Variants in PTCHD4 observed in about 807,000 individuals in gnomAD.
PTCHD4 encodes patched domain-containing protein 4.
In PTCHD4, 33 loss-of-function variants were observed where a neutral mutation model predicts 58.1. The ratio of observed to expected loss-of-function variants is 0.57; its 90% CI spans 0.43 to 0.76. The LOEUF (loss-of-function observed/expected upper bound fraction) is 0.76. Among genes scored for constraint, PTCHD4 ranks in the 30% least tolerant of loss-of-function variants. The pLI is 0.00. For synonymous variants in PTCHD4, 478 were observed against 409.6 expected (o/e 1.17, Z -2.02); for missense variants, 1,058 against 1,027.1 (o/e 1.03, Z -0.41).
chr6:47,973,495 A>T (rs1767587695), intron 4 of PTCHD4, among the ~76,000 whole-genome samples: 1 of 152,212 alleles, frequency 6.6e-6, no homozygotes, highest in Non-Finnish European at 1.5e-5. Context: ...AACAACCGGG[A>T]ACCTGTGAAT....
At position 47,859,104 on chromosome 6, in the gene PTCHD4, A is replaced by T. The variant is rs1445683970; in HGVS notation, c.*19199T>A. On this transcript the variant is annotated 3_prime_UTR_variant, in exon 5 of 5. Coordinates refer to ENST00000339488, the MANE Select transcript of PTCHD4 (RefSeq NM_001384253.1). ...TTTTATTCACGCTTATGTCAGGGTAACTTTGTGTATTTGTGTGCATACTCT... is the reference window on the plus strand; with the variant it reads ...TTTTATTCACGCTTATGTCAGGGTATCTTTGTGTATTTGTGTGCATACTCT... Among the ~76,000 whole-genome samples the T allele has an allele frequency of 6.6e-6, 1 of 152,050 alleles. No individual in the cohort carries two copies. The highest frequency in any genetic ancestry group is 6.6e-5 in the Admixed American group (1 of 15,242).
chr6:48,063,013 G>C (rs545397647), intron 3 of PTCHD4, among the ~76,000 whole-genome samples: 12 of 152,020 alleles, frequency 7.9e-5, no homozygotes, highest in Non-Finnish European at 1.3e-4. Context: ...AGAAACCTAG[G>C]TCTCATAGAA....
intron 3 of PTCHD4, among the ~76,000 whole-genome samples, chr6:48,025,328 G>C (rs1365695464): frequency 1.3e-5 from 2 of 152,192 alleles, no homozygotes; most frequent in Non-Finnish European, 2.9e-5. Flanking sequence ...CAGAGACGTT[G>C]CTCCCAATTT....
chr6:48,104,433 A>C (rs571292425), intron 1 of PTCHD4, among the ~76,000 whole-genome samples: 2,005 of 152,306 alleles, frequency 0.013, 49 homozygotes, highest in African/African-American at 0.046. Flanking sequence ...GCCTGCCCTA[A>C]AAGAGCTCCT....
Position 48,040,980 on chromosome 6 carries a change from T to C in PTCHD4, c.417+27250A>G, listed in dbSNP as rs181757189. On this transcript the variant is annotated intron_variant, in intron 3 of 4. Coordinates refer to ENST00000339488, the MANE Select transcript of PTCHD4 (RefSeq NM_001384253.1). ...TCTTCAAAATTGCATCGTTAATATA[T>C]ACATTATATATATAATCCATGGTAA... 7.2e-4 allele frequency among the ~76,000 whole-genome samples: 109 copies of C among 152,260 alleles called. 1 individual carries two copies. The highest frequency in any genetic ancestry group is 2.5e-3 in the African/African-American group (105 of 41,576).
At chr6:47,929,822 C>T (rs891721496) in intron 4 of PTCHD4, among the ~76,000 whole-genome samples, 3 of 152,192 alleles carry the variant, frequency 2.0e-5, no homozygotes, top group Non-Finnish European at 2.9e-5. Context: ...TGAATGTGAC[C>T]CTCTTTCTGG....
At chr6:47,972,450 A>G (rs1272003311) in intron 4 of PTCHD4, among the ~76,000 whole-genome samples, 1 of 152,144 alleles carries the variant, frequency 6.6e-6, no homozygotes, top group Admixed American at 6.5e-5. Flanking sequence ...AGAAAAAGGG[A>G]AACAAATATT....
intron 1 of PTCHD4, among the ~76,000 whole-genome samples, chr6:48,078,543 A>T (rs992328333): frequency 3.9e-5 from 6 of 152,222 alleles, no homozygotes; most frequent in African/African-American, 1.4e-4. Context: ...ATTTGGGAAG[A>T]AGTACAACAA....
At chr6:48,022,837 T>A (rs1269832728) in intron 3 of PTCHD4, among the ~76,000 whole-genome samples, 1 of 152,178 alleles carries the variant, frequency 6.6e-6, no homozygotes, top group African/African-American at 2.4e-5. Context: ...TTTCACCTGA[T>A]AATTTAACTT....
intron 3 of PTCHD4, among the ~76,000 whole-genome samples, chr6:48,047,301 C>T (rs3757101): frequency 0.17 from 25,740 of 151,628 alleles, 2,794 homozygotes; most frequent in Non-Finnish European, 0.24. Flanking sequence ...CTCTAATTAT[C>T]ACTTAGAAAC....
At chr6:47,895,184 A>T (rs2396841) in intron 4 of PTCHD4, among the ~76,000 whole-genome samples, 97,458 of 151,872 alleles carry the variant, frequency 0.64, 32,279 homozygotes, top group East Asian at 0.78. Flanking sequence ...ATGAAGACCC[A>T]TGCAGACAGC....
At chr6:47,980,022 A>T (rs12205505) in intron 4 of PTCHD4, among the ~76,000 whole-genome samples, 40,670 of 151,940 alleles carry the variant, frequency 0.27, 5,567 homozygotes, top group South Asian at 0.35. Flanking sequence ...CATTCATCAA[A>T]ATGGACACAC....
intron 3 of PTCHD4, among the ~76,000 whole-genome samples, chr6:48,019,657 A>G (rs1762992593): frequency 6.6e-6 from 1 of 151,330 alleles, no homozygotes; most frequent in Admixed American, 6.6e-5. Flanking sequence ...AATGGCGTTA[A>G]CCCGGCAGGC....
At chr6:47,906,996 T>A (rs1764908152) in intron 4 of PTCHD4, among the ~76,000 whole-genome samples, 1 of 152,202 alleles carries the variant, frequency 6.6e-6, no homozygotes, top group Non-Finnish European at 1.5e-5. Flanking sequence ...CTCCCATCTT[T>A]GTTTTCCAAA....
At chr6:48,014,066 A>T (rs1762785935) in intron 3 of PTCHD4, among the ~76,000 whole-genome samples, 1 of 152,160 alleles carries the variant, frequency 6.6e-6, no homozygotes, top group African/African-American at 2.4e-5. Flanking sequence ...GTACACTTCT[A>T]TCCCTCTTTT....
At chr6:48,039,015 A>C (rs899641163) in intron 3 of PTCHD4, among the ~76,000 whole-genome samples, 5 of 152,194 alleles carry the variant, frequency 3.3e-5, no homozygotes, top group African/African-American at 1.2e-4. Flanking sequence ...AAAAATGCAG[A>C]GACTCCATGA....
At chr6:48,007,400 G>C (rs1312635992) in intron 4 of PTCHD4, among the ~76,000 whole-genome samples, 2 of 152,076 alleles carry the variant, frequency 1.3e-5, no homozygotes, top group Admixed American at 6.5e-5. Flanking sequence ...AAAAGAAAGG[G>C]CCTATGTCAC....
rs979582973 is a variant in PTCHD4 at position 47,872,993 on chromosome 6, G to A, written c.*5310C>T. ...ATGACTCAAAGACTCACAAAATATA[G>A]TCAATGAGAGCCACTCTGGGAATGA... On this transcript the variant is annotated 3_prime_UTR_variant, in exon 5 of 5. Coordinates refer to ENST00000339488, the MANE Select transcript of PTCHD4 (RefSeq NM_001384253.1). Among the ~76,000 whole-genome samples the A allele has an allele frequency of 1.3e-5, 2 of 151,626 alleles. No homozygotes were observed. Among genetic ancestry groups the A allele is most frequent in the African/African-American group, 4.8e-5 (2 of 41,354 alleles).
chr6:47,862,884 C>T lies in PTCHD4; in HGVS notation c.*15419G>A, dbSNP rs1394653709. Among the ~76,000 whole-genome samples the T allele has an allele frequency of 6.6e-6, 1 of 151,846 alleles. No individual in the cohort carries two copies. The highest frequency in any genetic ancestry group is 2.1e-4 in the South Asian group (1 of 4,832). On this transcript the variant is annotated 3_prime_UTR_variant, in exon 5 of 5. Transcript: ENST00000339488. Reference sequence around the variant, plus strand: ...CCTGGAACACTAGTTCTTTAAGATGCTCCATGAACATAATGACCCATGGTC... The same window carrying T: ...CCTGGAACACTAGTTCTTTAAGATGTTCCATGAACATAATGACCCATGGTC...
Sources: gnomAD v4.1 joint callset for allele counts (sites outside exome capture counted in the v4.1 genomes callset) on GRCh38, gnomAD v4.1.1 for gene constraint, MANE v1.5 for transcripts, NCBI Gene and HGNC (gene_info 2026-07-23, HGNC 2026-07-21) for gene names.